The following NLGN4X variants were observed in gnomAD, a reference collection of about 807,000 sequenced individuals.
NLGN4X encodes neuroligin 4 X-linked.
NLGN4X carries 3 observed loss-of-function variants against 40.3 expected under a neutral mutation model. The observed-to-expected ratio is 0.07, with a 90% CI of 0.03 to 0.19. NLGN4X has a LOEUF of 0.19. NLGN4X is among the 10% of genes least tolerant of loss of function. The pLI, the probability that NLGN4X is intolerant of heterozygous loss-of-function variation, is 1.00. For missense variants in NLGN4X, 382 were observed against 708.3 expected (o/e 0.54, Z 5.23); for synonymous variants, 270 against 306.8 (o/e 0.88, Z 1.25).
intron 1 of NLGN4X, among the ~76,000 whole-genome samples, chrX:6,202,252 C>G (rs5916330): frequency 0.083 from 9,124 of 110,040 alleles, 299 homozygotes; most frequent in South Asian, 0.16. Flanking sequence ...AGAAATGTTT[C>G]TCAATAAGAG....
rs1926175160 is a variant in NLGN4X, at chrX:6,225,681, CTTTTTTTCTTTTTTTTTTTTTTT to C, written c.-306+2837_-306+2859del. Reference sequence around the variant, plus strand: ...CTTTTTCTTTTCCTTTTTTTTCTTTCTTTTTTTCTTTTTTTTTTTTTTTTTTTTTTTTTTTTTTTTGCTTTTGC... The same window carrying C: ...CTTTTTCTTTTCCTTTTTTTTCTTTCTTTTTTTTTTTTTTTTTGCTTTTGC... On this transcript the variant is annotated intron_variant, in intron 1 of 5. Transcript: ENST00000381095. Among the ~76,000 whole-genome samples, 15 of 33,803 alleles carry C rather than the reference CTTTTTTTCTTTTTTTTTTTTTTT, an allele frequency of 4.4e-4. 1 individual carries two copies. The South Asian group carries it at 0.014, about 30-fold the overall frequency. The allele number at this position is 33,803 out of a possible 115,157, so 29.4% of individuals were successfully genotyped here. A position where few individuals can be genotyped will look rare whatever the true frequency, so the allele number is the denominator to read the frequency against.
intron 3 of NLGN4X, among the ~76,000 whole-genome samples, chrX:6,014,604 T>C (rs1460096066): frequency 9.0e-6 from 1 of 111,616 alleles, no homozygotes; most frequent in Non-Finnish European, 1.9e-5. Context: ...AAAATCAAAA[T>C]TCAAAATTTT....
intron 2 of NLGN4X, among the ~76,000 whole-genome samples, chrX:6,132,129 G>A (rs1049810985): frequency 5.4e-5 from 6 of 111,893 alleles, no homozygotes; most frequent in Non-Finnish European, 1.1e-4. Flanking sequence ...ATTAAAAATT[G>A]AGTAAGACAA....
intron 2 of NLGN4X, among the ~76,000 whole-genome samples, chrX:6,054,118 G>T (rs1309852401): frequency 1.8e-5 from 2 of 112,220 alleles, no homozygotes; most frequent in Middle Eastern, 9.2e-3. Context: ...AGTCAAGAAG[G>T]TGTTTAATAC....
chrX:6,123,835 C>CAA (rs59494482), intron 2 of NLGN4X, among the ~76,000 whole-genome samples: 8 of 59,292 alleles, frequency 1.3e-4, no homozygotes, highest in African/African-American at 3.4e-4. Flanking sequence ...TCAGGTAAAG[C>CAA]AAAAAAAAAA....
At position 6,151,186 on chromosome X, in the gene NLGN4X, G is replaced by A. The variant is rs1057524668; in HGVS notation, c.281C>T (p.Pro94Leu). The A allele has an allele frequency of 7.4e-6, 9 of 1,211,470 alleles. No individual in the cohort carries two copies. The highest frequency in any genetic ancestry group is 1.0e-5 in the Non-Finnish European group (9 of 895,261). ...ATTTCGGATGCCAGTCCAGGAGGAC[G>A]GGGGTTCTGGGGGCTGAAACCGCCT... ...GERRFQPPEPPSSWTGIRNTT... is the reference protein window; with the variant it reads ...GERRFQPPEPLSSWTGIRNTT... The change falls in exon 2 of 6, where the codon CCG becomes CTG. Residue 94 changes from proline (P) to leucine (L), a missense_variant. Pro to Leu is a moderately conservative substitution (Grantham distance 98). Around this residue, in one of 5 missense-constraint regions of NLGN4X, gnomAD observed 115 missense variants for 149.6 expected, o/e 0.77. Coordinates refer to ENST00000381095, the MANE Select transcript of NLGN4X (RefSeq NM_181332.3).
intron 2 of NLGN4X, among the ~76,000 whole-genome samples, chrX:6,053,732 T>C (rs951572597): frequency 1.8e-5 from 2 of 112,014 alleles, no homozygotes; most frequent in Non-Finnish European, 1.9e-5. Flanking sequence ...AAAAGGAATC[T>C]TTCAGTGCCT....
chrX:5,921,375 G>A (rs1373339267), intron 3 of NLGN4X, among the ~76,000 whole-genome samples: 1 of 90,495 alleles, frequency 1.1e-5, no homozygotes, highest in African/African-American at 4.1e-5. Context: ...ATGACTCAGC[G>A]GCATTGAAAA....
At chrX:6,183,478 C>T (rs1253775293) in intron 1 of NLGN4X, among the ~76,000 whole-genome samples, 2 of 109,605 alleles carry the variant, frequency 1.8e-5, no homozygotes, top group South Asian at 3.9e-4. Flanking sequence ...ACACGGGAGG[C>T]GGAGTTTGCA....
intron 1 of NLGN4X, among the ~76,000 whole-genome samples, chrX:6,170,380 C>T (rs1355930383): frequency 2.7e-5 from 3 of 112,239 alleles, no homozygotes; most frequent in African/African-American, 9.7e-5. Flanking sequence ...CATTGCAGAC[C>T]GAGCAAGTCA....
At chrX:6,114,370 T>C (rs2039222892) in intron 2 of NLGN4X, among the ~76,000 whole-genome samples, 1 of 111,420 alleles carries the variant, frequency 9.0e-6, no homozygotes, top group Admixed American at 9.6e-5. Context: ...AAGATAAAAG[T>C]CATACTTCTT....
chrX:5,997,253 AAG>A (rs968222951), intron 3 of NLGN4X, among the ~76,000 whole-genome samples: 6 of 106,906 alleles, frequency 5.6e-5, no homozygotes, highest in Admixed American at 1.0e-4. Context: ...CATATATATG[AAG>A]AGTTAGTAAT....
chrX:6,036,608 GCGCA>G (rs1433184348), intron 2 of NLGN4X, among the ~76,000 whole-genome samples: 864 of 75,644 alleles, frequency 0.011, 10 homozygotes, highest in African/African-American at 0.038. Context: ...CTTGTGGCTG[GCGCA>G]CACACACACA....
At chrX:6,205,807 T>A (rs1923986940) in intron 1 of NLGN4X, among the ~76,000 whole-genome samples, 1 of 112,284 alleles carries the variant, frequency 8.9e-6, no homozygotes, top group African/African-American at 3.2e-5. Flanking sequence ...AGGATCTAGA[T>A]GTCTTGCAGT....
chrX:5,897,527 C>G (rs1322421132), intron 5 of NLGN4X, among the ~76,000 whole-genome samples: 2 of 112,085 alleles, frequency 1.8e-5, no homozygotes, highest in Non-Finnish European at 1.9e-5. Flanking sequence ...TGGGCTCACA[C>G]GGTTCTCTTC....
At chrX:6,077,644 C>T (rs753307502) in intron 2 of NLGN4X, among the ~76,000 whole-genome samples, 5 of 110,841 alleles carry the variant, frequency 4.5e-5, no homozygotes, top group Non-Finnish European at 9.4e-5. Context: ...AAAATTTTGT[C>T]GGATTAACCT....
At chrX:5,937,423 A>G (rs72627587) in intron 3 of NLGN4X, among the ~76,000 whole-genome samples, 10,352 of 110,892 alleles carry the variant, frequency 0.093, 421 homozygotes, top group South Asian at 0.21. Flanking sequence ...CATCATCTAT[A>G]AAGGACAATA....
chrX:5,950,626 A>G (rs2034276795), intron 3 of NLGN4X, among the ~76,000 whole-genome samples: 1 of 112,096 alleles, frequency 8.9e-6, no homozygotes, highest in Non-Finnish European at 1.9e-5. Context: ...CTGTACAAGG[A>G]GATGAAAGTG....
chrX:6,145,885 G>C (rs965213650), intron 2 of NLGN4X, among the ~76,000 whole-genome samples: 1 of 110,231 alleles, frequency 9.1e-6, no homozygotes, highest in African/African-American at 3.3e-5. Context: ...CATTTTGGGA[G>C]GCCGAGGTGG....
Sources: gnomAD v4.1 joint callset for allele counts (sites outside exome capture counted in the v4.1 genomes callset) on GRCh38, gnomAD v4.1.1 for gene constraint, gnomAD v4.1.1 regional missense constraint, MANE v1.5 for transcripts, NCBI Gene and HGNC (gene_info 2026-07-23, HGNC 2026-07-21) for gene names.